The following SLC35D1 variants were observed in gnomAD, a reference collection of about 807,000 sequenced individuals.
SLC35D1 encodes solute carrier family 35 member D1, also known as nucleotide sugar transporter SLC35D1.
A neutral mutation model predicts 46.7 loss-of-function variants in SLC35D1; 31 were observed. The ratio of observed to expected loss-of-function variants is 0.66; its 90% CI spans 0.50 to 0.90. The LOEUF is 0.90. Among genes scored for constraint, SLC35D1 ranks in the 40% least tolerant of loss-of-function variants. The probability of loss-of-function intolerance (pLI) is 0.00; values close to 1 mark genes in which losing one functional copy is unlikely to be tolerated. For missense variants in SLC35D1, 397 were observed against 426.2 expected, an observed-to-expected ratio of 0.93 and a Z score of 0.60; for synonymous variants, 195 against 164.6, an observed-to-expected ratio of 1.18 and a Z score of -1.41.
Position 67,042,335 on chromosome 1 carries a change from C to CAGT in SLC35D1, c.637-10_637-8dup. 3 of 1,613,324 alleles carry CAGT rather than the reference C, an allele frequency of 1.9e-6. No individual in the cohort carries two copies. Among genetic ancestry groups the CAGT allele is most frequent in the Non-Finnish European group, 2.5e-6 (3 of 1,179,286 alleles). The stretch of plus-strand genomic sequence containing the variant: ...GTCCATATTTTCCCAGCTCCTAGGA[C>CAGT]AGTAAATAATTAGGTGTTTCATCTG... On this transcript the variant is annotated splice_polypyrimidine_tract_variant and splice_region_variant and intron_variant, in intron 7 of 11. Coordinates refer to ENST00000235345, the MANE Select transcript of SLC35D1 (RefSeq NM_015139.3).
intron 8 of SLC35D1, among the ~76,000 whole-genome samples, chr1:67,024,744 G>A (rs779442234): frequency 7.3e-5 from 11 of 151,296 alleles, no homozygotes; most frequent in Admixed American, 2.0e-4. Flanking sequence ...TTCCCACCCC[G>A]CCCCCCAACC....
intron 7 of SLC35D1, among the ~76,000 whole-genome samples, chr1:67,043,473 C>T (rs1645218015): frequency 1.3e-5 from 2 of 151,948 alleles, no homozygotes; most frequent in Admixed American, 1.3e-4. Context: ...CCCAGGAATC[C>T]AAGGGAGGCT....
intron 10 of SLC35D1, among the ~76,000 whole-genome samples, chr1:67,015,158 T>C (rs1287248539): frequency 3.0e-5 from 3 of 100,952 alleles, no homozygotes; most frequent in Non-Finnish European, 5.8e-5. Context: ...AATGTGTTTT[T>C]GTAAAAAAAA....
chr1:66,999,655 CT>C lies in SLC35D1; in HGVS notation c.*4684del, dbSNP rs1667289500. Reference sequence around the variant, plus strand: ...GACAATAAATCTAACCAGTAGATTTCTTTTTAAAAAGTATTTTTAAAGAACA... The same window carrying C: ...GACAATAAATCTAACCAGTAGATTTCTTTTAAAAAGTATTTTTAAAGAACA... On this transcript the variant is annotated 3_prime_UTR_variant, in exon 12 of 12. Transcript: ENST00000235345. 1 of 150,986 alleles carries C rather than the reference CT, an allele frequency of 6.6e-6. No individual in the cohort carries two copies. Among genetic ancestry groups the C allele is most frequent in the Non-Finnish European group, 1.5e-5 (1 of 67,782 alleles). 9.4% of individuals were successfully genotyped at this position (150,986 alleles called of 1,614,324 possible). A position where few individuals can be genotyped will look rare whatever the true frequency, so the allele number is the denominator to read the frequency against.
At chr1:66,974,231 G>A in the SLC35D1 span, among the ~76,000 whole-genome samples, 18 of 151,968 alleles carry the variant, frequency 1.2e-4, no homozygotes, top group Admixed American at 5.9e-4. Context: ...TAGCATTTAG[G>A]ATAACTTAGA....
Position 67,018,111 on chromosome 1 carries a change from T to A in SLC35D1, c.876+2258A>T, listed in dbSNP as rs114492788. ...AGGCCAAAAAGAAACTTCAAAATTA[T>A]TTTTCTAATAAAACGCCCTTTGAGA... On this transcript the variant is annotated intron_variant, in intron 10 of 11. Coordinates refer to ENST00000235345, the MANE Select transcript of SLC35D1 (RefSeq NM_015139.3). Among the ~76,000 whole-genome samples the A allele has an allele frequency of 1.3e-3, 205 of 152,316 alleles. 1 individual carries two copies. The highest frequency in any genetic ancestry group is 2.2e-3 in the Admixed American group (33 of 15,284).
chr1:66,993,391 G>A, the SLC35D1 span, among the ~76,000 whole-genome samples: 1 of 152,196 alleles, frequency 6.6e-6, no homozygotes, highest in Non-Finnish European at 1.5e-5. Flanking sequence ...ATGATGGACT[G>A]AAGACAAGAG....
At chr1:66,975,678 C>G in the SLC35D1 span, among the ~76,000 whole-genome samples, 1 of 152,120 alleles carries the variant, frequency 6.6e-6, no homozygotes, top group African/African-American at 2.4e-5. Flanking sequence ...TCATTTAATT[C>G]CGTAGGCATT....
chr1:67,038,265 G>A (rs924009054), intron 8 of SLC35D1, among the ~76,000 whole-genome samples: 5 of 152,132 alleles, frequency 3.3e-5, no homozygotes, highest in African/African-American at 2.4e-5. Context: ...ACTCTAAACA[G>A]GCTAACTTAA....
chr1:66,978,160 C>T, the SLC35D1 span, among the ~76,000 whole-genome samples: 2 of 150,384 alleles, frequency 1.3e-5, no homozygotes, highest in African/African-American at 2.5e-5. Flanking sequence ...CAAACCACTG[C>T]ACTCCAGCCT....
At chr1:67,010,207 T>A (rs1480253146) in intron 10 of SLC35D1, among the ~76,000 whole-genome samples, 1 of 152,112 alleles carries the variant, frequency 6.6e-6, no homozygotes, top group Non-Finnish European at 1.5e-5. Flanking sequence ...AAAAGGGGGA[T>A]GTGAGTTGGA....
At chr1:67,030,583 T>G (rs1667998100) in intron 8 of SLC35D1, among the ~76,000 whole-genome samples, 1 of 151,550 alleles carries the variant, frequency 6.6e-6, no homozygotes, top group Admixed American at 6.6e-5. Flanking sequence ...AATCATTACT[T>G]TTAATTTTTT....
the SLC35D1 span, chr1:66,982,069 A>G: frequency 1.5e-6 from 1 of 688,832 alleles, no homozygotes; most frequent in Non-Finnish European, 2.4e-6. Context: ...CAGCATACAT[A>G]TATACTAACA....
At chr1:66,990,198 T>C in the SLC35D1 span, among the ~76,000 whole-genome samples, 9 of 152,242 alleles carry the variant, frequency 5.9e-5, no homozygotes, top group Admixed American at 2.0e-4. Context: ...TGTTGTCTTA[T>C]GCATTTGCCT....
chr1:67,012,105 C>G (rs1261788015), intron 10 of SLC35D1, among the ~76,000 whole-genome samples: 1 of 152,060 alleles, frequency 6.6e-6, no homozygotes, highest in South Asian at 2.1e-4. Flanking sequence ...TGGCTAGAAA[C>G]CCAAGACTTT....
Position 67,000,605 on chromosome 1 carries a change from C to T in SLC35D1, c.*3735G>A, listed in dbSNP as rs1667319224. 2 of 152,226 alleles carry T rather than the reference C, an allele frequency of 1.3e-5. No individual in the cohort carries two copies. The highest frequency in any genetic ancestry group is 2.9e-5 in the Non-Finnish European group (2 of 68,040). 9.4% of individuals were successfully genotyped at this position (152,226 alleles called of 1,614,324 possible). A position where few individuals can be genotyped will look rare whatever the true frequency, so the allele number is the denominator to read the frequency against. On this transcript the variant is annotated 3_prime_UTR_variant, in exon 12 of 12. Transcript: ENST00000235345. ...GAATCTTGTTTTGCCTTGAGTCTCA[C>T]CATGAAATAATGACACGGTAGCCAC... is the stretch of plus-strand genomic sequence containing the variant.
intron 8 of SLC35D1, among the ~76,000 whole-genome samples, chr1:67,032,853 AC>A (rs1484657821): frequency 6.6e-6 from 1 of 152,086 alleles, no homozygotes; most frequent in Admixed American, 6.6e-5. Context: ...ATTTTTTCTA[AC>A]CATTTTTTGT....
the SLC35D1 span, chr1:66,988,209 C>A: frequency 6.6e-6 from 1 of 152,296 alleles, no homozygotes; most frequent in Non-Finnish European, 1.5e-5. Flanking sequence ...ATGTAACATA[C>A]AGAAGAACAG....
intron 7 of SLC35D1, among the ~76,000 whole-genome samples, chr1:67,042,924 G>A (rs897742446): frequency 9.9e-5 from 15 of 151,938 alleles, no homozygotes; most frequent in South Asian, 2.1e-4. Context: ...ACAGCCAGGC[G>A]CGGTGGCTCA....
Sources: gnomAD v4.1 joint callset for allele counts (sites outside exome capture counted in the v4.1 genomes callset) on GRCh38, gnomAD v4.1.1 for gene constraint, MANE v1.5 for transcripts, NCBI Gene and HGNC (gene_info 2026-07-23, HGNC 2026-07-21) for gene names.